The following SORCS3 variants were observed in gnomAD, a reference collection of about 807,000 sequenced individuals.
SORCS3 encodes the protein sortilin related VPS10 domain containing receptor 3.
In SORCS3, 57 loss-of-function variants were observed where a neutral mutation model predicts 146.3. That is an observed-to-expected ratio of 0.39 (90% confidence interval 0.31 to 0.49). The LOEUF (loss-of-function observed/expected upper bound fraction) is 0.49. Ranked by LOEUF, SORCS3 falls within the 20% of genes least tolerant of loss-of-function variation. SORCS3 has a pLI of 0.92. For missense variants in SORCS3, 1,341 were observed against 1,575.5 expected (o/e 0.85, Z 2.52); for synonymous variants, 653 against 618.5 (o/e 1.06, Z -0.83).
At chr10:104,698,614 G>C (rs983061649) in intron 1 of SORCS3, among the ~76,000 whole-genome samples, 1 of 152,076 alleles carries the variant, frequency 6.6e-6, no homozygotes, top group Non-Finnish European at 1.5e-5. Flanking sequence ...AAGTTATTTT[G>C]GAAGAAAGAC....
At chr10:104,962,999 G>A (rs1422606455) in intron 3 of SORCS3, among the ~76,000 whole-genome samples, 2 of 152,142 alleles carry the variant, frequency 1.3e-5, no homozygotes, top group Non-Finnish European at 2.9e-5. Context: ...TGTCATAAAA[G>A]TATTTGAATT....
At chr10:105,252,329 T>A (rs1665429834) in intron 22 of SORCS3, among the ~76,000 whole-genome samples, 4 of 152,228 alleles carry the variant, frequency 2.6e-5, no homozygotes, top group African/African-American at 4.8e-5. Flanking sequence ...TTAAAAAAAA[T>A]CCTGCTTTAA....
intron 1 of SORCS3, among the ~76,000 whole-genome samples, chr10:104,770,872 T>C (rs1341953010): frequency 6.6e-6 from 1 of 152,128 alleles, no homozygotes; most frequent in Non-Finnish European, 1.5e-5. Flanking sequence ...CAGTTGAAAT[T>C]ATTTTTAATA....
intron 3 of SORCS3, among the ~76,000 whole-genome samples, chr10:104,927,306 C>T (rs2019158338): frequency 6.6e-6 from 1 of 152,174 alleles, no homozygotes; most frequent in Non-Finnish European, 1.5e-5. Flanking sequence ...CTGCCTGGCT[C>T]ATTTAGCCAT....
At chr10:104,975,301 C>G (rs1266836030) in intron 3 of SORCS3, among the ~76,000 whole-genome samples, 1 of 151,974 alleles carries the variant, frequency 6.6e-6, no homozygotes, top group Admixed American at 6.6e-5. Context: ...GAGTGAACTC[C>G]CATTCACAAT....
intron 3 of SORCS3, among the ~76,000 whole-genome samples, chr10:104,975,461 G>A (rs2054889786): frequency 6.6e-6 from 1 of 152,080 alleles, no homozygotes; most frequent in African/African-American, 2.4e-5. Flanking sequence ...GGAAGAATCA[G>A]TATCATGAAA....
At chr10:105,252,636 T>C in intron 22 of SORCS3, 139 bp from the exon 23 acceptor site, 1 of 946,410 alleles carries the variant, frequency 1.1e-6, no homozygotes, top group Non-Finnish European at 1.6e-6. Flanking sequence ...AAAGCCTGAA[T>C]GTATATTGGA....
chr10:104,926,305 C>T (rs1035733184), intron 3 of SORCS3, among the ~76,000 whole-genome samples: 1 of 152,164 alleles, frequency 6.6e-6, no homozygotes, highest in Non-Finnish European at 1.5e-5. Flanking sequence ...AGAAATGGTC[C>T]CACTTTTGTT....
Position 105,201,245 on chromosome 10 carries a change from C to T in SORCS3, c.2253C>T (p.Asp751=). The change falls in exon 16 of 27, where the codon GAC becomes GAT. Residue 751 remains aspartate, a synonymous_variant. Coordinates refer to ENST00000369701, the MANE Select transcript of SORCS3 (RefSeq NM_014978.3). ...VSEPCVCANW[D]FECDYGYERH... Reference sequence around the variant, plus strand: ...AACCCTGTGTCTGTGCCAATTGGGACTTCGAGTGGTGAGTTGTTTGGCATT... The same window carrying T: ...AACCCTGTGTCTGTGCCAATTGGGATTTCGAGTGGTGAGTTGTTTGGCATT... 13 of 1,606,682 alleles carry T rather than the reference C, an allele frequency of 8.1e-6. No homozygotes were observed. Among genetic ancestry groups the T allele is most frequent in the Admixed American group, 1.7e-5 (1 of 58,602 alleles).
At chr10:104,725,138 G>T (rs917166977) in intron 1 of SORCS3, among the ~76,000 whole-genome samples, 4 of 152,172 alleles carry the variant, frequency 2.6e-5, no homozygotes, top group African/African-American at 9.7e-5. Flanking sequence ...TGATGGTGAT[G>T]TACAGATGGG....
At chr10:104,801,595 G>T (rs1245273101) in intron 1 of SORCS3, among the ~76,000 whole-genome samples, 2 of 152,210 alleles carry the variant, frequency 1.3e-5, no homozygotes, top group Non-Finnish European at 2.9e-5. Flanking sequence ...GTGTGGGAAT[G>T]AATGATGCAT....
rs142899445 is a variant in SORCS3, at chr10:104,707,420, G to T, written c.627+65466G>T. On this transcript the variant is annotated intron_variant, in intron 1 of 26. Transcript: ENST00000369701. Reference sequence around the variant, plus strand: ...GACAGCACAGGAACCTGCTATGGGGGCACTTTTTGGTAGTAATTGAGATCT... The same window carrying T: ...GACAGCACAGGAACCTGCTATGGGGTCACTTTTTGGTAGTAATTGAGATCT... Among the ~76,000 whole-genome samples, 784 of 152,236 alleles carry T rather than the reference G, an allele frequency of 5.1e-3. 10 individuals are homozygous for T. The highest frequency in any genetic ancestry group is 0.018 in the African/African-American group (729 of 41,530).
intron 1 of SORCS3, among the ~76,000 whole-genome samples, chr10:104,688,988 G>A (rs1170478644): frequency 6.6e-6 from 1 of 152,224 alleles, no homozygotes; most frequent in Non-Finnish European, 1.5e-5. Flanking sequence ...CTGAGGTAGA[G>A]TATAGCTCAG....
intron 2 of SORCS3, among the ~76,000 whole-genome samples, chr10:104,887,745 G>C (rs1159224060): frequency 6.6e-6 from 1 of 152,112 alleles, no homozygotes; most frequent in East Asian, 1.9e-4. Flanking sequence ...TCTGATAGTT[G>C]TGCTCACTTA....
intron 3 of SORCS3, among the ~76,000 whole-genome samples, chr10:104,916,371 A>G (rs2019027327): frequency 6.6e-6 from 1 of 152,028 alleles, no homozygotes; most frequent in Non-Finnish European, 1.5e-5. Flanking sequence ...TTTTTTGAGA[A>G]CCCCTTACTC....
At chr10:104,794,148 G>T (rs531616586) in intron 1 of SORCS3, among the ~76,000 whole-genome samples, 1 of 152,108 alleles carries the variant, frequency 6.6e-6, no homozygotes, top group Admixed American at 6.5e-5. Context: ...CCCCAACAGG[G>T]TCATTCATCT....
chr10:104,751,291 G>T (rs968723305), intron 1 of SORCS3, among the ~76,000 whole-genome samples: 1 of 152,142 alleles, frequency 6.6e-6, no homozygotes, highest in African/African-American at 2.4e-5. Context: ...TCTTATGGGA[G>T]ATTAAAAATC....
Position 105,142,703 on chromosome 10 carries a change from G to GT in SORCS3, c.1302+3226dup, listed in dbSNP as rs1033923386. Among the ~76,000 whole-genome samples the GT allele has an allele frequency of 1.6e-4, 24 of 151,728 alleles. No homozygotes were observed. The East Asian group carries it at 2.1e-3, about 13-fold the overall frequency. On this transcript the variant is annotated intron_variant, in intron 8 of 26. Transcript: ENST00000369701. ...TACTTTTCACACCCAGTTATTTCTAGTTTTTTTTTACTTTTTCCCATAAAA... is the reference window on the plus strand; with the variant it reads ...TACTTTTCACACCCAGTTATTTCTAGTTTTTTTTTTACTTTTTCCCATAAAA...
chr10:105,152,105 A>G (rs376499567), intron 9 of SORCS3, among the ~76,000 whole-genome samples: 1 of 152,130 alleles, frequency 6.6e-6, no homozygotes, highest in South Asian at 2.1e-4. Flanking sequence ...ATTCTTTCCA[A>G]CACCCGCAGT....
Sources: gnomAD v4.1 joint callset for allele counts (sites outside exome capture counted in the v4.1 genomes callset) on GRCh38, gnomAD v4.1.1 for gene constraint, MANE v1.5 for transcripts, NCBI Gene and HGNC (gene_info 2026-07-23, HGNC 2026-07-21) for gene names.